The following ZC2HC1A variants were observed in gnomAD, a reference collection of about 807,000 sequenced individuals.
ZC2HC1A encodes zinc finger C2HC-type containing 1A, also known as zinc finger C2HC domain-containing protein 1A.
ZC2HC1A carries 28 observed loss-of-function variants against 40.7 expected under a neutral mutation model. The observed-to-expected ratio is 0.69, with a 90% CI of 0.51 to 0.94. ZC2HC1A has a LOEUF of 0.94. Ranked by LOEUF, ZC2HC1A falls within the 40% of genes least tolerant of loss-of-function variation. The probability of loss-of-function intolerance (pLI) is 0.00; values close to 1 mark genes in which losing one functional copy is unlikely to be tolerated. For missense variants in ZC2HC1A, 389 were observed against 386.3 expected, an observed-to-expected ratio of 1.01 and a Z score of -0.06; for synonymous variants, 129 against 129.2, an observed-to-expected ratio of 1.00 and a Z score of 0.01.
At chr8:78,716,419 G>A (rs961626438) in intron 8 of ZC2HC1A, among the ~76,000 whole-genome samples, 15 of 152,018 alleles carry the variant, frequency 9.9e-5, no homozygotes, top group African/African-American at 3.1e-4. Flanking sequence ...CACCGCACCC[G>A]GCCTAGTATG....
intron 1 of ZC2HC1A, among the ~76,000 whole-genome samples, chr8:78,667,735 C>A (rs1006956224): frequency 6.6e-6 from 1 of 152,054 alleles, no homozygotes; most frequent in Non-Finnish European, 1.5e-5. Flanking sequence ...TTACTCTCAT[C>A]GAACCTACAT....
At chr8:78,693,464 G>A (rs1810286540) in intron 5 of ZC2HC1A, among the ~76,000 whole-genome samples, 1 of 152,146 alleles carries the variant, frequency 6.6e-6, no homozygotes, top group East Asian at 1.9e-4. Flanking sequence ...GTTTTGATTT[G>A]CATTTCTCTG....
chr8:78,674,304 A>T (rs1414406498), intron 1 of ZC2HC1A, among the ~76,000 whole-genome samples: 1 of 152,188 alleles, frequency 6.6e-6, no homozygotes, highest in Non-Finnish European at 1.5e-5. Context: ...AAGCAAGTAT[A>T]ATATGTGGTG....
At chr8:78,669,499 A>G (rs1809383257) in intron 1 of ZC2HC1A, among the ~76,000 whole-genome samples, 1 of 141,928 alleles carries the variant, frequency 7.0e-6, no homozygotes, top group South Asian at 2.1e-4. Context: ...GCTTGGGAGG[A>G]GCGAAGGAAA....
chr8:78,707,633 C>T (rs569040638), intron 7 of ZC2HC1A, among the ~76,000 whole-genome samples: 1 of 152,202 alleles, frequency 6.6e-6, no homozygotes, highest in Non-Finnish European at 1.5e-5. Context: ...TTTGGCTATC[C>T]CACATCATAT....
chr8:78,686,427 G>GTTTA lies in ZC2HC1A; in HGVS notation c.211-37_211-36insATTT, dbSNP rs1032403944. 5 of 1,224,324 alleles carry GTTTA rather than the reference G, an allele frequency of 4.1e-6. No individual in the cohort carries two copies. In the African/African-American group the frequency reaches 9.8e-5, roughly 24 times the overall value. 75.8% of individuals were successfully genotyped at this position (1,224,324 alleles called of 1,614,324 possible). ...TATTTCAATATACTAAAAAGATACT[G>GTTTA]TTTGTTTATTTATTTATTTATTTAT... On this transcript the variant is annotated intron_variant, in intron 3 of 8. Coordinates refer to ENST00000263849, the MANE Select transcript of ZC2HC1A (RefSeq NM_016010.3).
chr8:78,713,048 C>G (rs895027255), intron 7 of ZC2HC1A, among the ~76,000 whole-genome samples: 7 of 152,102 alleles, frequency 4.6e-5, no homozygotes, highest in African/African-American at 1.7e-4. Flanking sequence ...GCTGATTCTA[C>G]TGTCAGAACT....
intron 7 of ZC2HC1A, among the ~76,000 whole-genome samples, chr8:78,710,813 C>T (rs1183500552): frequency 6.6e-6 from 1 of 152,046 alleles, no homozygotes; most frequent in Non-Finnish European, 1.5e-5. Context: ...CTTTTAAGAA[C>T]TTTAAATCCT....
At chr8:78,703,275 A>G (rs1810665170) in intron 7 of ZC2HC1A, among the ~76,000 whole-genome samples, 1 of 152,162 alleles carries the variant, frequency 6.6e-6, no homozygotes. Context: ...AATTCTGTAA[A>G]TATCTATCAG....
chr8:78,672,444 C>G (rs546351480), intron 1 of ZC2HC1A, among the ~76,000 whole-genome samples: 1 of 152,060 alleles, frequency 6.6e-6, no homozygotes, highest in Non-Finnish European at 1.5e-5. Flanking sequence ...AACCTTATAG[C>G]AGTATGCTTT....
chr8:78,699,214 A>AT (rs1810523863), intron 7 of ZC2HC1A, among the ~76,000 whole-genome samples: 1 of 151,948 alleles, frequency 6.6e-6, no homozygotes, highest in Admixed American at 6.6e-5. Context: ...CCTTTTTTAT[A>AT]TTTTTCTACT....
At chr8:78,667,214 G>C (rs557974130) in intron 1 of ZC2HC1A, among the ~76,000 whole-genome samples, 1 of 152,314 alleles carries the variant, frequency 6.6e-6, no homozygotes, top group South Asian at 2.1e-4. Context: ...CCAAAAAGCA[G>C]ATGTAATAAC....
intron 4 of ZC2HC1A, among the ~76,000 whole-genome samples, chr8:78,687,846 T>TTTATATA (rs1810066203): frequency 3.0e-5 from 3 of 100,274 alleles, no homozygotes; most frequent in East Asian, 2.9e-4. Flanking sequence ...ATTATATATA[T>TTTATATA]ATTTATATAA....
intron 1 of ZC2HC1A, among the ~76,000 whole-genome samples, chr8:78,675,468 C>T (rs551361346): frequency 2.6e-4 from 39 of 151,668 alleles, no homozygotes; most frequent in Admixed American, 1.1e-3. Context: ...AGTAATTTAC[C>T]ATAGAGATAG....
chr8:78,714,747 A>T (rs188716332), intron 7 of ZC2HC1A, among the ~76,000 whole-genome samples: 306 of 152,308 alleles, frequency 2.0e-3, no homozygotes, highest in Non-Finnish European at 3.4e-3. Context: ...CATTTATTTT[A>T]GTTGCTGCTT....
chr8:78,712,019 G>T, intron 7 of ZC2HC1A: 2 of 1,289,572 alleles, frequency 1.6e-6, no homozygotes, highest in Non-Finnish European at 2.0e-6. Flanking sequence ...CCTCCACTTC[G>T]AACGGGAAGA....
chr8:78,694,085 G>A (rs902948285), intron 5 of ZC2HC1A, among the ~76,000 whole-genome samples: 2 of 151,986 alleles, frequency 1.3e-5, no homozygotes, highest in African/African-American at 4.8e-5. Flanking sequence ...CTGTTCCATT[G>A]GTCTATATCT....
chr8:78,675,739 A>G lies in ZC2HC1A; in HGVS notation c.17-48A>G, dbSNP rs777544040. On this transcript the variant is annotated intron_variant, in intron 1 of 8. Transcript: ENST00000263849. Reference sequence around the variant, plus strand: ...AGAAAACATTAAAATGTGAAGTTTCACAATTTCAAGTTATATAAATTATTT... The same window carrying G: ...AGAAAACATTAAAATGTGAAGTTTCGCAATTTCAAGTTATATAAATTATTT... 4.1e-6 allele frequency: 6 copies of G among 1,474,474 alleles called. No individual in the cohort carries two copies. The East Asian group carries it at 1.4e-4, about 34-fold the overall frequency. 91.3% of individuals were successfully genotyped at this position (1,474,474 alleles called of 1,614,324 possible).
At chr8:78,697,283 C>T in intron 5 of ZC2HC1A, 124 bp from the exon 6 acceptor site, 1 of 733,112 alleles carries the variant, frequency 1.4e-6, no homozygotes, top group South Asian at 2.2e-5. Flanking sequence ...CATTCATTTC[C>T]ACAACTCTTT....
Sources: gnomAD v4.1 joint callset for allele counts (sites outside exome capture counted in the v4.1 genomes callset) on GRCh38, gnomAD v4.1.1 for gene constraint, MANE v1.5 for transcripts, NCBI Gene and HGNC (gene_info 2026-07-23, HGNC 2026-07-21) for gene names.